Variants in RLIG1 observed in about 807,000 individuals in gnomAD.
RLIG1 encodes the protein RNA 5'-phosphate and 3'-OH ligase 1, also known as RNA ligase 1.
At chr12:88,045,721 A>C in the RLIG1 span, 3 of 1,613,276 alleles carry the variant, frequency 1.9e-6, no homozygotes, top group Admixed American at 3.3e-5. Context: ...TGCCACTTTC[A>C]GATCTCTTAG....
At chr12:88,046,882 T>C in the RLIG1 span, 1 of 1,613,258 alleles carries the variant, frequency 6.2e-7, no homozygotes, top group Non-Finnish European at 8.5e-7. Flanking sequence ...CTACCTTCAT[T>C]GAAGCACAAT....
chr12:88,049,133 A>C, the RLIG1 span: 7 of 1,101,108 alleles, frequency 6.4e-6, no homozygotes, highest in African/African-American at 1.1e-4. Context: ...AAGTATATTT[A>C]ACTTATAAAG....
At chr12:88,036,128 G>A in the RLIG1 span, 1 of 1,286,906 alleles carries the variant, frequency 7.8e-7, no homozygotes, top group Non-Finnish European at 1.0e-6. Context: ...AAGAAAGGGT[G>A]GATATTAGAA....
chr12:88,049,558 T>G, the RLIG1 span: 1 of 598,234 alleles, frequency 1.7e-6, no homozygotes, highest in Non-Finnish European at 3.0e-6. Context: ...ATTAAGATTT[T>G]TCTTTGTTCC....
the RLIG1 span, among the ~76,000 whole-genome samples, chr12:88,047,927 G>A: frequency 6.6e-6 from 1 of 152,062 alleles, no homozygotes; most frequent in Non-Finnish European, 1.5e-5. Context: ...TCTGTACTCA[G>A]CAACAGGCTC....
chr12:88,035,665 C>G, the RLIG1 span: 8 of 1,607,284 alleles, frequency 5.0e-6, no homozygotes, highest in Non-Finnish European at 6.8e-6. Context: ...CGCTTGGGCT[C>G]CGTGCAGCGG....
chr12:88,036,774 T>C, the RLIG1 span, among the ~76,000 whole-genome samples: 2 of 152,234 alleles, frequency 1.3e-5, no homozygotes, highest in East Asian at 3.8e-4. Context: ...AGACTGATCA[T>C]CACCATGTTC....
the RLIG1 span, chr12:88,045,910 A>G: frequency 4.4e-6 from 3 of 680,286 alleles, no homozygotes; most frequent in African/African-American, 3.6e-5. Context: ...CTAGGATTAT[A>G]TCCATTTCTG....
the RLIG1 span, among the ~76,000 whole-genome samples, chr12:88,048,050 A>AT: frequency 6.6e-6 from 1 of 152,010 alleles, no homozygotes; most frequent in Admixed American, 6.6e-5. Context: ...CTCACATTCT[A>AT]ATGGGGAAGA....
At chr12:88,040,989 G>A in the RLIG1 span, among the ~76,000 whole-genome samples, 1 of 152,098 alleles carries the variant, frequency 6.6e-6, no homozygotes, top group Non-Finnish European at 1.5e-5. Flanking sequence ...CCATTTTTAA[G>A]TATGCAGTTC....
chr12:88,042,872 G>C, the RLIG1 span: 1 of 1,566,630 alleles, frequency 6.4e-7, no homozygotes, highest in Non-Finnish European at 8.6e-7. Context: ...CAACAAACAA[G>C]CTGAAAAAAG....
the RLIG1 span, among the ~76,000 whole-genome samples, chr12:88,043,229 T>G: frequency 6.6e-6 from 1 of 152,058 alleles, no homozygotes; most frequent in Non-Finnish European, 1.5e-5. Flanking sequence ...GAAATTAATA[T>G]TTTTAATTAT....
the RLIG1 span, chr12:88,035,789 C>T: frequency 1.9e-6 from 3 of 1,554,524 alleles, no homozygotes; most frequent in African/African-American, 2.7e-5. Context: ...CTCCTCCCCG[C>T]GGCGCTGGCT....
the RLIG1 span, chr12:88,042,899 C>T: frequency 3.8e-6 from 6 of 1,568,402 alleles, no homozygotes; most frequent in Admixed American, 2.0e-5. Context: ...AAATTTTCTA[C>T]ATTCAAAAGA....
the RLIG1 span, among the ~76,000 whole-genome samples, chr12:88,046,352 A>G: frequency 1.3e-5 from 2 of 152,170 alleles, no homozygotes; most frequent in African/African-American, 4.8e-5. Context: ...TAGACAAGTT[A>G]TCAGAGATAC....
At chr12:88,046,097 T>G in the RLIG1 span, among the ~76,000 whole-genome samples, 2 of 152,286 alleles carry the variant, frequency 1.3e-5, no homozygotes, top group African/African-American at 4.8e-5. Context: ...AAATGCACTT[T>G]TCATGGTTAT....
At chr12:88,043,476 A>C in the RLIG1 span, 1 of 606,642 alleles carries the variant, frequency 1.6e-6, no homozygotes. Context: ...TAATGAATGG[A>C]GAATAATTGT....
At chr12:88,035,879 G>C in the RLIG1 span, 60 of 1,508,174 alleles carry the variant, frequency 4.0e-5, no homozygotes, top group African/African-American at 5.6e-5. Flanking sequence ...TCCCTGGGGA[G>C]GTCTGGGGTG....
the RLIG1 span, chr12:88,042,423 T>G: frequency 1.3e-5 from 2 of 153,918 alleles, no homozygotes; most frequent in African/African-American, 2.4e-5. Flanking sequence ...GCAGAACAGC[T>G]CAGCCTGATT....
Sources: allele counts gnomAD v4.1 joint callset (sites outside exome capture counted in the v4.1 genomes callset), GRCh38; gene constraint gnomAD v4.1.1; transcripts MANE v1.5; gene names NCBI Gene and HGNC (gene_info 2026-07-23, HGNC 2026-07-21).